UBLCP1: variants seen among roughly 807,000 people sequenced by gnomAD.
UBLCP1 encodes the protein ubiquitin like domain containing CTD phosphatase 1, also known as ubiquitin-like domain-containing CTD phosphatase 1.
A neutral mutation model predicts 42.4 loss-of-function variants in UBLCP1; 28 were observed. The observed-to-expected ratio is 0.66, with a 90% CI of 0.49 to 0.90. The LOEUF is 0.90. Ranked by LOEUF, UBLCP1 falls within the 40% of genes least tolerant of loss-of-function variation. The pLI is 0.00. For missense variants in UBLCP1, 279 were observed against 374.5 expected (o/e 0.75, Z 2.10); for synonymous variants, 122 against 120.8 (o/e 1.01, Z -0.07).
Position 159,280,111 on chromosome 5 carries a change from G to A in UBLCP1, c.801+1757G>A, listed in dbSNP as rs573453036. ...CCACTGAAGGAATTCCTAAAAATAC[G>A]TATGTCCCCATCCCCTAAATTCTAA... On this transcript the variant is annotated intron_variant, in intron 9 of 10. Coordinates refer to ENST00000296786, the MANE Select transcript of UBLCP1 (RefSeq NM_145049.5). 1.2e-4 allele frequency among the ~76,000 whole-genome samples: 18 copies of A among 152,162 alleles called. No homozygotes were observed. In the South Asian group the frequency reaches 2.1e-3, roughly 18 times the overall value.
chr5:159,278,451 G>A (rs1753564633), intron 9 of UBLCP1, 97 bp downstream of exon 9: 1 of 862,292 alleles, frequency 1.2e-6, no homozygotes, highest in Non-Finnish European at 2.0e-6. Flanking sequence ...ATTTTTGGAA[G>A]TACTGTATTC....
At chr5:159,270,775 T>A in intron 5 of UBLCP1, 132 bp downstream of exon 5, 1 of 551,484 alleles carries the variant, frequency 1.8e-6, no homozygotes, top group Non-Finnish European at 3.0e-6. Context: ...ATTACAAAAG[T>A]AAATTGCTCA....
intron 6 of UBLCP1, 86 bp from the exon 7 acceptor site, chr5:159,274,499 T>G: frequency 1.7e-6 from 2 of 1,164,308 alleles, no homozygotes; most frequent in Non-Finnish European, 2.5e-6. Flanking sequence ...ACTTTTAGTT[T>G]TGCTTAGAAA....
intron 9 of UBLCP1, among the ~76,000 whole-genome samples, chr5:159,278,970 A>G (rs962230262): frequency 6.6e-6 from 1 of 152,216 alleles, no homozygotes; most frequent in Non-Finnish European, 1.5e-5. Flanking sequence ...TTTTTTAGGT[A>G]TACAAATCTT....
rs917032502 is a variant in UBLCP1, at chr5:159,285,971, C to A, written c.*1040C>A. The stretch of plus-strand genomic sequence containing the variant: ...AAAGGAATTGATCCTTTTAAAGAAA[C>A]ATGGTGTATATTGTTCTTACAGGAC... On this transcript the variant is annotated 3_prime_UTR_variant, in exon 11 of 11. Coordinates refer to ENST00000296786, the MANE Select transcript of UBLCP1 (RefSeq NM_145049.5). The A allele has an allele frequency of 6.5e-6, 1 of 152,696 alleles. No homozygotes were observed. Among genetic ancestry groups the A allele is most frequent in the African/African-American group, 2.4e-5 (1 of 41,440 alleles). The allele number at this position is 152,696 out of a possible 1,614,324, so 9.5% of individuals were successfully genotyped here.
intron 9 of UBLCP1, among the ~76,000 whole-genome samples, chr5:159,279,612 A>G (rs566742037): frequency 6.6e-6 from 1 of 152,338 alleles, no homozygotes; most frequent in East Asian, 1.9e-4. Flanking sequence ...TTTGTTTACA[A>G]TGAGGATATT....
At chr5:159,276,768 A>C (rs892415912) in intron 8 of UBLCP1, among the ~76,000 whole-genome samples, 1 of 152,228 alleles carries the variant, frequency 6.6e-6, no homozygotes, top group African/African-American at 2.4e-5. Context: ...TGTTTGGTTC[A>C]GGATTACCCT....
chr5:159,285,994 G>A lies in UBLCP1; in HGVS notation c.*1063G>A, dbSNP rs771863895. On this transcript the variant is annotated 3_prime_UTR_variant, in exon 11 of 11. Transcript: ENST00000296786. ...AACATGGTGTATATTGTTCTTACAGGACTAATTTCAGTGGTGTAAATAATA... is the reference window on the plus strand; with the variant it reads ...AACATGGTGTATATTGTTCTTACAGAACTAATTTCAGTGGTGTAAATAATA... The A allele has an allele frequency of 5.2e-5, 8 of 152,684 alleles. No individual in the cohort carries two copies. The highest frequency in any genetic ancestry group is 1.0e-4 in the Non-Finnish European group (7 of 68,010). 9.5% of individuals were successfully genotyped at this position (152,684 alleles called of 1,614,324 possible).
At chr5:159,275,039 C>A in intron 7 of UBLCP1, 109 bp from the exon 8 acceptor site, 2 of 859,856 alleles carry the variant, frequency 2.3e-6, no homozygotes, top group South Asian at 1.4e-5. Context: ...GATGTAGTGG[C>A]CAGTGGTGTA....
intron 10 of UBLCP1, among the ~76,000 whole-genome samples, chr5:159,284,329 G>T (rs1255160793): frequency 3.3e-5 from 5 of 152,278 alleles, no homozygotes; most frequent in African/African-American, 1.2e-4. Flanking sequence ...GTTTGTAAAT[G>T]TTAGAAATAG....
intron 10 of UBLCP1, 92 bp downstream of exon 10, chr5:159,283,431 C>T (rs759471888): frequency 9.3e-7 from 1 of 1,078,086 alleles, no homozygotes; most frequent in Non-Finnish European, 1.3e-6. Flanking sequence ...ATATAGCTGT[C>T]TTAATTTTTA....
intron 5 of UBLCP1, among the ~76,000 whole-genome samples, chr5:159,270,929 ATCT>A (rs1753457935): frequency 1.4e-5 from 2 of 140,038 alleles, no homozygotes; most frequent in Non-Finnish European, 3.2e-5. Flanking sequence ...CACATTGAAC[ATCT>A]TCTCAGTAAA....
intron 1 of UBLCP1, among the ~76,000 whole-genome samples, chr5:159,264,577 T>C (rs951017253): frequency 5.2e-5 from 8 of 152,388 alleles, no homozygotes; most frequent in African/African-American, 1.9e-4. Context: ...AACGTTTTTA[T>C]GCTGCTTTAT....
chr5:159,275,306 A>G, intron 8 of UBLCP1, 60 bp downstream of exon 8: 1 of 1,303,472 alleles, frequency 7.7e-7, no homozygotes, highest in Non-Finnish European at 1.1e-6. Context: ...TGTACTTTTT[A>G]TGTTTATACC....
At chr5:159,275,104 T>C in intron 7 of UBLCP1, 44 bp from the exon 8 acceptor site, 1 of 1,553,470 alleles carries the variant, frequency 6.4e-7, no homozygotes, top group Non-Finnish European at 8.8e-7. Context: ...TCTGAAATTT[T>C]CCACACTACT....
At position 159,274,576 on chromosome 5, in the gene UBLCP1, G is replaced by A. The variant is rs202020168; in HGVS notation, c.548-9G>A. The A allele has an allele frequency of 2.1e-4, 335 of 1,607,976 alleles. No individual in the cohort carries two copies. Among genetic ancestry groups the A allele is most frequent in the Middle Eastern group, 5.0e-4 (3 of 6,038 alleles). The stretch of plus-strand genomic sequence containing the variant: ...CATATGTATTGTATTATCATTCCTC[G>A]TGTTTTAGCTGCAACAAATATGAAG... On this transcript the variant is annotated splice_polypyrimidine_tract_variant and intron_variant, in intron 6 of 10. Coordinates refer to ENST00000296786, the MANE Select transcript of UBLCP1 (RefSeq NM_145049.5).
At chr5:159,266,518 C>T (rs1001230448) in intron 1 of UBLCP1, among the ~76,000 whole-genome samples, 1 of 152,204 alleles carries the variant, frequency 6.6e-6, no homozygotes, top group Non-Finnish European at 1.5e-5. Flanking sequence ...AAGAAAAACG[C>T]ATTTTCTGTG....
At position 159,286,016 on chromosome 5, in the gene UBLCP1, A is replaced by G. The variant is rs1277115267; in HGVS notation, c.*1085A>G. 1 of 152,746 alleles carries G rather than the reference A, an allele frequency of 6.5e-6. No homozygotes were observed. The highest frequency in any genetic ancestry group is 1.5e-5 in the Non-Finnish European group (1 of 68,018). The allele number at this position is 152,746 out of a possible 1,614,324, so 9.5% of individuals were successfully genotyped here. A position where few individuals can be genotyped will look rare whatever the true frequency, so the allele number is the denominator to read the frequency against. The stretch of plus-strand genomic sequence containing the variant: ...CAGGACTAATTTCAGTGGTGTAAAT[A>G]ATAAATATCTTTTCTTAAAACATTC... On this transcript the variant is annotated 3_prime_UTR_variant, in exon 11 of 11. Transcript: ENST00000296786.
At chr5:159,268,539 A>G (rs1388834922) in intron 1 of UBLCP1, among the ~76,000 whole-genome samples, 2 of 152,240 alleles carry the variant, frequency 1.3e-5, no homozygotes, top group Non-Finnish European at 2.9e-5. Context: ...TTAAATGAAC[A>G]TGGATGGTCT....
Sources: gnomAD v4.1 joint callset for allele counts (sites outside exome capture counted in the v4.1 genomes callset) on GRCh38, gnomAD v4.1.1 for gene constraint, MANE v1.5 for transcripts, NCBI Gene and HGNC (gene_info 2026-07-23, HGNC 2026-07-21) for gene names.